Variants in VSX1 observed in about 807,000 individuals in gnomAD.
VSX1 encodes visual system homeobox 1, also known as homeodomain protein RINX.
Under a neutral mutation model 23.6 loss-of-function variants are expected in VSX1, and 23 were observed. The ratio of observed to expected loss-of-function variants is 0.97; its 90% confidence interval spans 0.70 to 1.38. The LOEUF is 1.38. Among genes scored for constraint, VSX1 ranks in the 40% most tolerant of loss-of-function variants. The probability of loss-of-function intolerance (pLI) is 0.00; values close to 1 mark genes in which losing one functional copy is unlikely to be tolerated. For missense variants in VSX1, 517 were observed against 495.4 expected (o/e 1.04, Z -0.41); for synonymous variants, 247 against 215.1 (o/e 1.15, Z -1.30).
chr20:25,071,033 T>C (rs1248308884), downstream of VSX1: 3 of 453,902 alleles, frequency 6.6e-6, no homozygotes, highest in Non-Finnish European at 1.3e-5. Context: ...ACAGGAAGGA[T>C]GGGTAATGGA....
Position 25,079,447 on chromosome 20 carries a change from C to T in VSX1, c.492G>A (p.Lys164=), listed in dbSNP as rs892267599. Residue 164 remains lysine (K), a synonymous_variant, in exon 2 of 5, where the codon AAG becomes AAA. Coordinates refer to ENST00000376709, the MANE Select transcript of VSX1 (RefSeq NM_014588.6). ...KASPTLGKRK[K]RRHRTVFTAH... The stretch of plus-strand genomic sequence containing the variant: ...GCCTGGCCCTATACCTGTGCCGCCG[C>T]TTCTTCCTCTTGCCCAAGGTGGGGG... 4.3e-6 allele frequency: 7 copies of T among 1,612,248 alleles called. No individual in the cohort carries two copies. In the African/African-American group the frequency reaches 8.0e-5, roughly 18 times the overall value.
At chr20:25,074,373 C>T (rs2089443438), downstream of VSX1, among the ~76,000 whole-genome samples, 1 of 152,128 alleles carries the variant, frequency 6.6e-6, no homozygotes, top group African/African-American at 2.4e-5. Flanking sequence ...AAAATATTAA[C>T]CTGCCATATT....
At chr20:25,072,604 C>T (rs995445149), downstream of VSX1, 1 of 471,086 alleles carries the variant, frequency 2.1e-6, no homozygotes, top group South Asian at 1.5e-5. Flanking sequence ...ATCGGCTTAG[C>T]AGGTTCACTT....
At position 25,076,182 on chromosome 20, in the gene VSX1, T is replaced by G; in HGVS notation, c.*79A>C. On this transcript the variant is annotated 3_prime_UTR_variant, in exon 5 of 5. Transcript: ENST00000376709. ...GAAAATCAAACTGAGAGTATATGTC[T>G]TGGACAATTTTTGTCTTTTGGAAAA... is the stretch of plus-strand genomic sequence containing the variant. The G allele has an allele frequency of 6.3e-7, 1 of 1,598,136 alleles. No homozygotes were observed. Among genetic ancestry groups the G allele is most frequent in the South Asian group, 1.1e-5 (1 of 90,402 alleles).
Position 25,076,278 on chromosome 20 carries a change from T to A in VSX1, c.1081A>T (p.Lys361Ter). 6.2e-7 allele frequency: 1 copy of A among 1,614,212 alleles called. No individual in the cohort carries two copies. Among genetic ancestry groups the A allele is most frequent in the South Asian group, 1.1e-5 (1 of 91,080 alleles). ...TGTGGGTCTCATGTGGCTCCCACCTTCCCTGGCTGGGGCCCCTCCAGTGCC... is the reference window on the plus strand; with the variant it reads ...TGTGGGTCTCATGTGGCTCCCACCTACCCTGGCTGGGGCCCCTCCAGTGCC... ...STALEGPQPG[K>*]VGAT Residue 361 changes from lysine to a stop codon, truncating the protein, a stop_gained, in exon 5 of 5, where the codon AAG (lysine) becomes TAG (stop). Transcript: ENST00000376709. LOFTEE classifies it high-confidence loss of function.
At chr20:25,080,628 G>A (rs376360789) in intron 1 of VSX1, among the ~76,000 whole-genome samples, 13 of 152,250 alleles carry the variant, frequency 8.5e-5, no homozygotes, top group East Asian at 3.8e-4. Context: ...TTCTTGGACA[G>A]CTCTGCTCCA....
chr20:25,074,789 C>T (rs78194424), downstream of VSX1, among the ~76,000 whole-genome samples: 5,363 of 152,176 alleles, frequency 0.035, 304 homozygotes, highest in African/African-American at 0.12. Context: ...AAGCAACAAC[C>T]GAGGAGTAAA....
chr20:25,081,219 A>G (rs2089633318), intron 1 of VSX1, among the ~76,000 whole-genome samples: 1 of 145,104 alleles, frequency 6.9e-6, no homozygotes, highest in South Asian at 2.3e-4. Context: ...GTACTCTTCC[A>G]GGACCCGTCA....
At chr20:25,076,692 A>G in intron 4 of VSX1, 142 bp from the exon 5 acceptor site, 1 of 1,004,604 alleles carries the variant, frequency 1.0e-6, no homozygotes, top group Non-Finnish European at 1.4e-6. Context: ...CAGGAGAGGC[A>G]GGTAGGTAAC....
intron 2 of VSX1, 71 bp from the exon 3 acceptor site, chr20:25,079,023 C>T: frequency 3.1e-6 from 5 of 1,590,928 alleles, no homozygotes; most frequent in Non-Finnish European, 4.3e-6. Context: ...GCCTTAAGGA[C>T]CACCGTGCCT....
At chr20:25,078,647 T>G (rs746531386) in intron 3 of VSX1, 182 bp downstream of exon 3, 9 of 1,536,860 alleles carry the variant, frequency 5.9e-6, no homozygotes, top group Non-Finnish European at 7.9e-6. Context: ...AATAATAAAA[T>G]GAAAAAAGGC....
At chr20:25,074,721 C>A (rs965896041), downstream of VSX1, among the ~76,000 whole-genome samples, 4 of 152,126 alleles carry the variant, frequency 2.6e-5, no homozygotes, top group African/African-American at 9.7e-5. Context: ...GTAAGTTGCA[C>A]AGCTTACTGG....
chr20:25,079,338 G>A (rs1600385529), intron 2 of VSX1, 98 bp downstream of exon 2: 1 of 1,272,962 alleles, frequency 7.9e-7, no homozygotes. Context: ...CACTGGGCCT[G>A]CTATCATGCC....
downstream of VSX1, chr20:25,071,262 G>A (rs2089371446): frequency 2.2e-6 from 1 of 453,788 alleles, no homozygotes; most frequent in Admixed American, 2.4e-5. Context: ...GGATGCCCAT[G>A]TGTCATTCAT....
chr20:25,072,175 G>T (rs2089393113), downstream of VSX1, among the ~76,000 whole-genome samples: 1 of 152,196 alleles, frequency 6.6e-6, no homozygotes, highest in South Asian at 2.1e-4. Flanking sequence ...GTTGTTTTAA[G>T]CCACAGTTTG....
At position 25,078,837 on chromosome 20, in the gene VSX1, G is replaced by A. The variant is rs483352777; in HGVS notation, c.619C>T (p.Arg207Trp). The change falls in exon 3 of 5, where the codon CGG (arginine) becomes TGG (tryptophan). Residue 207 changes from arginine to tryptophan, a missense_variant. Coordinates refer to ENST00000376709, the MANE Select transcript of VSX1 (RefSeq NM_014588.6). ...LAVKTELPEDRIQVWFQNRRA... is the reference protein window; with the variant it reads ...LAVKTELPEDWIQVWFQNRRA... ...AAAGGGACCCCAGACACCTGTATCC[G>A]GTCTTCGGGGAGCTCAGTTTTCACA... 84 of 1,613,964 alleles carry A rather than the reference G, an allele frequency of 5.2e-5. No individual in the cohort carries two copies. The highest frequency in any genetic ancestry group is 1.3e-4 in the Admixed American group (8 of 59,996).
downstream of VSX1, among the ~76,000 whole-genome samples, chr20:25,072,971 C>T (rs1264899831): frequency 6.6e-6 from 1 of 152,082 alleles, no homozygotes; most frequent in East Asian, 1.9e-4. Flanking sequence ...ATTTTGAACA[C>T]TGGAAACAAT....
At position 25,077,809 on chromosome 20, in the gene VSX1, G is replaced by A. The variant is rs1286573181; in HGVS notation, c.684C>T (p.Gly228=). ...KWRKREKRWG[G]SSVMAEYGLY... ...GCCCGTACTCGGCCATCACGCTGCTGCCGCCCCAGCGCTTCTCCCGCTTGC... is the reference window on the plus strand; with the variant it reads ...GCCCGTACTCGGCCATCACGCTGCTACCGCCCCAGCGCTTCTCCCGCTTGC... The change falls in exon 4 of 5, where the codon GGC becomes GGT. Residue 228 remains glycine (G), a synonymous_variant. Transcript: ENST00000376709. 6 of 1,551,322 alleles carry A rather than the reference G, an allele frequency of 3.9e-6. No homozygotes were observed. Among genetic ancestry groups the A allele is most frequent in the Non-Finnish European group, 4.4e-6 (5 of 1,147,114 alleles).
rs1437204062 is a variant in VSX1, at chr20:25,076,092, C to T, written c.*169G>A. ...CCATTCTAGAATGAAATAGAATTTT[C>T]CCTAGGTCACTCATCTGTCCTCTTA... On this transcript the variant is annotated 3_prime_UTR_variant, in exon 5 of 5. Coordinates refer to ENST00000376709, the MANE Select transcript of VSX1 (RefSeq NM_014588.6). 15 of 867,958 alleles carry T rather than the reference C, an allele frequency of 1.7e-5. No homozygotes were observed. Among genetic ancestry groups the T allele is most frequent in the Non-Finnish European group, 2.1e-5 (12 of 565,402 alleles). 53.8% of individuals were successfully genotyped at this position (867,958 alleles called of 1,614,324 possible). A position where few individuals can be genotyped will look rare whatever the true frequency, so the allele number is the denominator to read the frequency against.
Sources: allele counts gnomAD v4.1 joint callset (sites outside exome capture counted in the v4.1 genomes callset), GRCh38; gene constraint gnomAD v4.1.1; transcripts MANE v1.5; gene names NCBI Gene and HGNC (gene_info 2026-07-23, HGNC 2026-07-21).